The following RCAN1 variants were observed in gnomAD, a reference collection of about 807,000 sequenced individuals.
RCAN1 encodes calcipressin-1.
RCAN1 carries 11 observed loss-of-function variants against 22.9 expected under a neutral mutation model. That is an observed-to-expected ratio of 0.48 (90% CI 0.30 to 0.79). The LOEUF (loss-of-function observed/expected upper bound fraction) is 0.79. RCAN1 is among the 30% of genes least tolerant of loss of function. The pLI is 0.06. For synonymous variants in RCAN1, 136 were observed against 142.3 expected (o/e 0.96, Z 0.32); for missense variants, 291 against 337.8 (o/e 0.86, Z 1.09).
chr21:34,520,469 T>C (rs984895091), intron 3 of RCAN1, among the ~76,000 whole-genome samples: 8 of 152,218 alleles, frequency 5.3e-5, no homozygotes, highest in Non-Finnish European at 1.2e-4. Flanking sequence ...AATGTGAGTC[T>C]TGCTTTATCC....
At chr21:34,582,082 G>C (rs117794534) in intron 1 of RCAN1, among the ~76,000 whole-genome samples, 1,678 of 152,298 alleles carry the variant, frequency 0.011, 20 homozygotes, top group Non-Finnish European at 0.017. Flanking sequence ...TGGACCTAAA[G>C]AGGGGTCTAT....
intron 1 of RCAN1, chr21:34,525,141 G>C: frequency 1.3e-6 from 2 of 1,550,602 alleles, no homozygotes. Context: ...GAGGATTCAG[G>C]ATAAGAGAGG....
chr21:34,589,492 A>C (rs2123708888), intron 1 of RCAN1, among the ~76,000 whole-genome samples: 1 of 152,332 alleles, frequency 6.6e-6, no homozygotes, highest in Admixed American at 6.5e-5. Context: ...GAGAAGATTT[A>C]GAGCAGTTCA....
At chr21:34,604,255 C>T (rs535887545) in intron 1 of RCAN1, among the ~76,000 whole-genome samples, 30 of 152,230 alleles carry the variant, frequency 2.0e-4, no homozygotes, top group South Asian at 6.2e-4. Flanking sequence ...CTCAGCCTCC[C>T]GAGTAGCTAG....
At chr21:34,579,013 G>A (rs1389955310) in intron 1 of RCAN1, among the ~76,000 whole-genome samples, 1 of 152,098 alleles carries the variant, frequency 6.6e-6, no homozygotes, top group African/African-American at 2.4e-5. Flanking sequence ...ACAAAAAAAA[G>A]GACTTGCATC....
chr21:34,520,964 A>G (rs765001192), intron 3 of RCAN1: 5 of 556,290 alleles, frequency 9.0e-6, no homozygotes, highest in Non-Finnish European at 1.2e-5. Flanking sequence ...CAAGCTCTGT[A>G]GGGGACCAGC....
chr21:34,572,061 C>T (rs758490884), intron 1 of RCAN1, among the ~76,000 whole-genome samples: 27 of 152,132 alleles, frequency 1.8e-4, no homozygotes, highest in African/African-American at 5.6e-4. Flanking sequence ...GTTCCAAAGA[C>T]GGTAGGATGG....
At position 34,614,100 on chromosome 21, in the gene RCAN1, G is replaced by A. The variant is rs1988754242; in HGVS notation, c.252+660C>T. Among the ~76,000 whole-genome samples, 1 of 152,150 alleles carries A rather than the reference G, an allele frequency of 6.6e-6. No homozygotes were observed. Among genetic ancestry groups the A allele is most frequent in the African/African-American group, 2.4e-5 (1 of 41,436 alleles). ...TTTGCGGGGGTGGGGGGAGGCGGGGGAAGGAGTCGACTCCCCATGTACTGG... is the reference window on the plus strand; with the variant it reads ...TTTGCGGGGGTGGGGGGAGGCGGGGAAAGGAGTCGACTCCCCATGTACTGG... On this transcript the variant is annotated intron_variant, in intron 1 of 3. Coordinates refer to ENST00000313806, the MANE Select transcript of RCAN1 (RefSeq NM_004414.7). This position sits in a 1 kb window ranked among gnomAD's most constrained non-coding sequence, Gnocchi z 6.0.
intron 1 of RCAN1, among the ~76,000 whole-genome samples, chr21:34,554,946 G>C (rs56021297): frequency 6.6e-6 from 1 of 152,124 alleles, no homozygotes; most frequent in African/African-American, 2.4e-5. Flanking sequence ...GCATGGGAAA[G>C]ACCTGCCCCC....
chr21:34,539,217 G>A (rs1985809869), intron 1 of RCAN1, among the ~76,000 whole-genome samples: 1 of 152,148 alleles, frequency 6.6e-6, no homozygotes, highest in African/African-American at 2.4e-5. Context: ...ATGCAAATAT[G>A]TTCCTGCAAG....
Position 34,521,482 on chromosome 21 carries a change from C to T in RCAN1, c.586+17G>A, listed in dbSNP as rs766319479. The T allele has an allele frequency of 3.8e-5, 62 of 1,613,986 alleles. No individual in the cohort carries two copies. Among genetic ancestry groups the T allele is most frequent in the Non-Finnish European group, 4.7e-5 (56 of 1,180,046 alleles). ...GTGTCTCCCCCTGCCTCCCTCCCAC[C>T]CGAGGGCCCTGCTCACCTGGCCCCA... On this transcript the variant is annotated intron_variant, in intron 3 of 3. Transcript: ENST00000313806.
intron 1 of RCAN1, among the ~76,000 whole-genome samples, chr21:34,533,754 T>C (rs1421832789): frequency 6.6e-6 from 1 of 152,036 alleles, no homozygotes; most frequent in African/African-American, 2.4e-5. Flanking sequence ...GCTGGAAAAG[T>C]GGTGAAAGCA....
At chr21:34,553,080 G>A (rs899157527) in intron 1 of RCAN1, among the ~76,000 whole-genome samples, 9 of 152,270 alleles carry the variant, frequency 5.9e-5, no homozygotes, top group Non-Finnish European at 7.3e-5. Context: ...ATCTAGAAGC[G>A]GCCAGACAAG....
chr21:34,567,707 C>A (rs1987081360), intron 1 of RCAN1, among the ~76,000 whole-genome samples: 1 of 152,214 alleles, frequency 6.6e-6, no homozygotes, highest in South Asian at 2.1e-4. Context: ...TAGTTACTGA[C>A]TGGGAAGGTG....
chr21:34,551,634 C>T (rs1440626219), intron 1 of RCAN1, among the ~76,000 whole-genome samples: 1 of 151,522 alleles, frequency 6.6e-6, no homozygotes, highest in African/African-American at 2.4e-5. Flanking sequence ...TTTTTTGATT[C>T]TTTAAGTCAA....
At chr21:34,587,627 G>A (rs1164194637) in intron 1 of RCAN1, among the ~76,000 whole-genome samples, 2 of 152,174 alleles carry the variant, frequency 1.3e-5, no homozygotes, top group Non-Finnish European at 2.9e-5. Context: ...TAAAATACAT[G>A]TAGGAGATTG....
intron 3 of RCAN1, 199 bp downstream of exon 3, chr21:34,521,300 C>T (rs1257052967): frequency 1.4e-6 from 2 of 1,467,178 alleles, no homozygotes; most frequent in Non-Finnish European, 1.8e-6. Context: ...GCCGCAGTCT[C>T]TCTAACACTG....
At chr21:34,554,070 CAAA>C (rs1986466261) in intron 1 of RCAN1, among the ~76,000 whole-genome samples, 2 of 152,082 alleles carry the variant, frequency 1.3e-5, no homozygotes, top group Non-Finnish European at 2.9e-5. Flanking sequence ...ATGATTAAGA[CAAA>C]AATCTCAGAA....
chr21:34,551,133 G>A (rs1443471113), intron 1 of RCAN1, among the ~76,000 whole-genome samples: 2 of 152,194 alleles, frequency 1.3e-5, no homozygotes, highest in Non-Finnish European at 2.9e-5. Flanking sequence ...AAGACCCAAG[G>A]AAAATAGTAG....
Sources: allele counts gnomAD v4.1 joint callset (sites outside exome capture counted in the v4.1 genomes callset), GRCh38; gene constraint gnomAD v4.1.1; non-coding constraint Gnocchi (gnomAD v3.1); transcripts MANE v1.5; gene names NCBI Gene and HGNC (gene_info 2026-07-23, HGNC 2026-07-21).